MARCHF1: variants seen among roughly 807,000 people sequenced by gnomAD.
MARCHF1 encodes the protein membrane associated ring-CH-type finger 1.
A neutral mutation model predicts 54.2 loss-of-function variants in MARCHF1; 40 were observed. The ratio of observed to expected loss-of-function variants is 0.74; its 90% CI spans 0.57 to 0.96. The LOEUF is 0.96. MARCHF1 is among the 40% of genes least tolerant of loss of function. The pLI is 0.00. For missense variants in MARCHF1, 586 were observed against 656.5 expected, an observed-to-expected ratio of 0.89 and a Z score of 1.17; for synonymous variants, 236 against 236.3, an observed-to-expected ratio of 1.00 and a Z score of 0.01.
At chr4:163,562,035 G>A (rs752167488) in intron 8 of MARCHF1, among the ~76,000 whole-genome samples, 58 of 152,218 alleles carry the variant, frequency 3.8e-4, no homozygotes, top group Non-Finnish European at 7.2e-4. Context: ...GGTGGCTCAC[G>A]CCTGTAATTC....
intron 1 of MARCHF1, 129 bp from the exon 2 acceptor site, chr4:164,111,791 T>C (rs556451359): frequency 1.3e-5 from 2 of 151,944 alleles, no homozygotes; most frequent in South Asian, 4.1e-4. Context: ...GTCTTTAAAA[T>C]ATAATACTGT....
chr4:164,190,155 G>C, intron 1 of MARCHF1: 1 of 1,557,852 alleles, frequency 6.4e-7, no homozygotes, highest in East Asian at 2.2e-5. Flanking sequence ...GGAGACCATG[G>C]AAAAAGCTGT....
intron 1 of MARCHF1, among the ~76,000 whole-genome samples, chr4:164,192,137 AAACAG>A (rs1448040988): frequency 6.6e-6 from 1 of 152,180 alleles, no homozygotes; most frequent in African/African-American, 2.4e-5. Flanking sequence ...TTATTACTAA[AAACAG>A]AACAGAATTT....
intron 1 of MARCHF1, among the ~76,000 whole-genome samples, chr4:164,287,585 T>C (rs966403085): frequency 6.6e-6 from 1 of 152,132 alleles, no homozygotes; most frequent in Admixed American, 6.6e-5. Context: ...AGGATTTAAA[T>C]GAAAAGTAAC....
intron 1 of MARCHF1, among the ~76,000 whole-genome samples, chr4:164,257,954 T>C (rs1406086204): frequency 6.6e-6 from 1 of 152,206 alleles, no homozygotes; most frequent in Non-Finnish European, 1.5e-5. Flanking sequence ...CATGCACACG[T>C]ATGTTTATTG....
chr4:163,636,765 C>G (rs1426410494), intron 5 of MARCHF1, among the ~76,000 whole-genome samples: 2 of 151,916 alleles, frequency 1.3e-5, no homozygotes, highest in African/African-American at 4.8e-5. Flanking sequence ...CATATGGAAC[C>G]AAAAAAGAGC....
intron 3 of MARCHF1, among the ~76,000 whole-genome samples, chr4:163,936,933 G>A (rs73001215): frequency 2.1e-4 from 32 of 152,190 alleles, no homozygotes; most frequent in African/African-American, 6.5e-4. Context: ...TCATGTATAC[G>A]TACTTGAACT....
intron 5 of MARCHF1, among the ~76,000 whole-genome samples, chr4:163,696,704 G>T (rs1039959): frequency 6.6e-6 from 1 of 151,794 alleles, no homozygotes; most frequent in East Asian, 1.9e-4. Flanking sequence ...AGCTTCCATG[G>T]CTTGGACTTA....
chr4:163,706,832 A>AG (rs1324788129), intron 4 of MARCHF1, among the ~76,000 whole-genome samples: 2 of 152,082 alleles, frequency 1.3e-5, no homozygotes, highest in African/African-American at 4.8e-5. Context: ...ATAATGAAAA[A>AG]AAGGAGAGCT....
At chr4:164,099,476 A>C (rs1163548780) in intron 2 of MARCHF1, among the ~76,000 whole-genome samples, 1 of 152,170 alleles carries the variant, frequency 6.6e-6, no homozygotes, top group Non-Finnish European at 1.5e-5. Flanking sequence ...TCAGTTTGAG[A>C]TAAGCTCTAT....
At chr4:163,795,638 C>A (rs142114314) in intron 4 of MARCHF1, among the ~76,000 whole-genome samples, 2 of 152,114 alleles carry the variant, frequency 1.3e-5, no homozygotes, top group Non-Finnish European at 2.9e-5. Context: ...TGTCATTTCC[C>A]GGCAGAAATG....
At chr4:164,357,119 GAA>G (rs56965170) in intron 1 of MARCHF1, among the ~76,000 whole-genome samples, 15,682 of 147,778 alleles carry the variant, frequency 0.11, 1,384 homozygotes, top group East Asian at 0.29. Context: ...TTTTTTTTAA[GAA>G]AAAAAAAAAT....
In MARCHF1 at chr4:163,876,636, G is replaced by A. The variant is rs145830239; in HGVS notation, c.-38-22467C>T. On this transcript the variant is annotated intron_variant, in intron 3 of 9. Transcript: ENST00000514618. Reference sequence around the variant, plus strand: ...GGTAAGGCACACAGTTACAAATTTGGTAGGCATCAGGATAGAAGCAATATT... The same window carrying A: ...GGTAAGGCACACAGTTACAAATTTGATAGGCATCAGGATAGAAGCAATATT... 2.4e-3 allele frequency among the ~76,000 whole-genome samples: 369 copies of A among 152,180 alleles called. 3 individuals are homozygous for A. The highest frequency in any genetic ancestry group is 0.014 in the Middle Eastern group (4 of 294).
chr4:164,054,859 C>G (rs960666908), intron 2 of MARCHF1, among the ~76,000 whole-genome samples: 1 of 150,492 alleles, frequency 6.6e-6, no homozygotes, highest in Non-Finnish European at 1.5e-5. Context: ...AGTGCACCAG[C>G]ATGGCACATG....
chr4:163,886,268 G>C (rs1008537583), intron 3 of MARCHF1, among the ~76,000 whole-genome samples: 2 of 150,108 alleles, frequency 1.3e-5, no homozygotes, highest in African/African-American at 4.9e-5. Context: ...TATATAGGTA[G>C]ATATAGATAG....
intron 5 of MARCHF1, among the ~76,000 whole-genome samples, chr4:163,692,693 T>C (rs971574828): frequency 6.6e-6 from 1 of 151,366 alleles, no homozygotes; most frequent in Non-Finnish European, 1.5e-5. Context: ...AAAGGATCAT[T>C]TTGGTTGTTG....
chr4:164,327,094 G>A (rs1416106615), intron 1 of MARCHF1, among the ~76,000 whole-genome samples: 1 of 151,750 alleles, frequency 6.6e-6, no homozygotes, highest in African/African-American at 2.4e-5. Context: ...TATTTATTGA[G>A]TGTCTACTAT....
intron 3 of MARCHF1, among the ~76,000 whole-genome samples, chr4:163,966,658 AT>A (rs1327765193): frequency 1.3e-5 from 2 of 152,144 alleles, no homozygotes; most frequent in Non-Finnish European, 2.9e-5. Flanking sequence ...AAACACTTTT[AT>A]GTATTAAAGC....
At chr4:163,878,201 T>C (rs984166618) in intron 3 of MARCHF1, among the ~76,000 whole-genome samples, 1 of 152,330 alleles carries the variant, frequency 6.6e-6, no homozygotes, top group South Asian at 2.1e-4. Flanking sequence ...CCAGCTTCTC[T>C]ATAACACTAG....
Sources: gnomAD v4.1 joint callset for allele counts (sites outside exome capture counted in the v4.1 genomes callset) on GRCh38, gnomAD v4.1.1 for gene constraint, MANE v1.5 for transcripts, NCBI Gene and HGNC (gene_info 2026-07-23, HGNC 2026-07-21) for gene names.